FBXW4: variants seen among roughly 807,000 people sequenced by gnomAD.
FBXW4 encodes F-box/WD repeat-containing protein 4.
FBXW4 carries 40 observed loss-of-function variants against 61.8 expected under a neutral mutation model. The observed-to-expected ratio is 0.65, with a 90% CI of 0.50 to 0.84. The LOEUF (loss-of-function observed/expected upper bound fraction) is 0.84, where lower values mean the gene tolerates loss of function less well. FBXW4 is among the 40% of genes least tolerant of loss of function. The pLI, the probability that FBXW4 is intolerant of heterozygous loss-of-function variation, is 0.00. For missense variants in FBXW4, 672 were observed against 753.8 expected (o/e 0.89, Z 1.27); for synonymous variants, 311 against 313.8 (o/e 0.99, Z 0.10).
intron 6 of FBXW4, among the ~76,000 whole-genome samples, chr10:101,619,135 C>A (rs560638637): frequency 2.4e-3 from 365 of 152,246 alleles, no homozygotes; most frequent in Middle Eastern, 6.8e-3. Context: ...TTCCTCAGGG[C>A]CTGATGGGAT....
At chr10:101,679,175 C>T (rs2064447122) in intron 1 of FBXW4, among the ~76,000 whole-genome samples, 1 of 152,058 alleles carries the variant, frequency 6.6e-6, no homozygotes, top group Admixed American at 6.6e-5. Context: ...GTCTCCAACA[C>T]CTGGCCTCAA....
chr10:101,667,738 C>A, intron 5 of FBXW4, 148 bp downstream of exon 5: 1 of 695,638 alleles, frequency 1.4e-6, no homozygotes, highest in Admixed American at 2.3e-5. Context: ...CTAAATAACT[C>A]AAATCTCTGG....
In FBXW4 at chr10:101,694,898, C is replaced by T. The variant is rs1589789846; in HGVS notation, c.208G>A (p.Gly70Arg). ...PGPQTAKEAA[G>R]PGADAGARAC... ...CTCGCTCCCGCGTCAGCCCCCGGCC[C>T]GGCTGCCTCCTTCGCCGTCTGCGGC... The change falls in exon 1 of 9, where the codon GGG becomes AGG. Residue 70 changes from glycine (G) to arginine (R), a missense_variant. Physicochemically the swap from Gly to Arg is moderately radical, Grantham distance 125. Transcript: ENST00000331272. The surrounding 1 kb of genome is among the most constrained non-coding windows in gnomAD (Gnocchi z 6.0). 1 of 1,246,238 alleles carries T rather than the reference C, an allele frequency of 8.0e-7. No individual in the cohort carries two copies. Among genetic ancestry groups the T allele is most frequent in the African/African-American group, 1.5e-5 (1 of 64,518 alleles). The allele number at this position is 1,246,238 out of a possible 1,614,324, so 77.2% of individuals were successfully genotyped here.
intron 5 of FBXW4, among the ~76,000 whole-genome samples, chr10:101,667,038 T>C (rs905791478): frequency 1.3e-5 from 2 of 152,032 alleles, no homozygotes; most frequent in African/African-American, 4.8e-5. Flanking sequence ...GAGACCATCC[T>C]GGCTAACACA....
In FBXW4 at chr10:101,662,396, C is replaced by T. The variant is rs1211108229; in HGVS notation, c.1235+5490G>A. 2.6e-5 allele frequency among the ~76,000 whole-genome samples: 4 copies of T among 152,198 alleles called. No homozygotes were observed. In the East Asian group the frequency reaches 7.7e-4, roughly 29 times the overall value. On this transcript the variant is annotated intron_variant, in intron 5 of 8. Coordinates refer to ENST00000331272, the MANE Select transcript of FBXW4 (RefSeq NM_022039.4). ...AAAACCCCCCAGAGGCTGCAACTCA[C>T]TTTACAAATTTGAATCGGTACATTT...
intron 5 of FBXW4, among the ~76,000 whole-genome samples, chr10:101,648,257 A>G (rs7090062): frequency 0.089 from 13,529 of 152,252 alleles, 702 homozygotes; most frequent in African/African-American, 0.14. Flanking sequence ...TTGGGAGGAA[A>G]AAAGCAAAAA....
intron 1 of FBXW4, among the ~76,000 whole-genome samples, chr10:101,689,655 A>G (rs768180878): frequency 6.6e-6 from 1 of 152,260 alleles, no homozygotes; most frequent in Non-Finnish European, 1.5e-5. Flanking sequence ...TTTAGGCCTT[A>G]AATGTAACCA....
chr10:101,661,596 G>A (rs183234328), intron 5 of FBXW4, among the ~76,000 whole-genome samples: 10 of 152,106 alleles, frequency 6.6e-5, no homozygotes, highest in East Asian at 3.9e-4. Context: ...ATCTTTCTCC[G>A]GGTGTCATGA....
chr10:101,681,395 AAAAAATAAT>A (rs1163490118), intron 1 of FBXW4, among the ~76,000 whole-genome samples: 2 of 133,052 alleles, frequency 1.5e-5, no homozygotes, highest in Admixed American at 1.5e-4. Flanking sequence ...TCTCAAAAAA[AAAAAATAAT>A]AATAATAATA....
At chr10:101,632,741 A>C (rs1406628021) in intron 5 of FBXW4, among the ~76,000 whole-genome samples, 1 of 152,188 alleles carries the variant, frequency 6.6e-6, no homozygotes, top group Non-Finnish European at 1.5e-5. Context: ...CCCCTTAAAC[A>C]ACTGTTCCAT....
At chr10:101,668,356 C>A (rs1000645007) in intron 4 of FBXW4, among the ~76,000 whole-genome samples, 1 of 152,136 alleles carries the variant, frequency 6.6e-6, no homozygotes, top group Non-Finnish European at 1.5e-5. Context: ...TCCCATCTCT[C>A]ACCAAGATTT....
At chr10:101,690,433 A>C (rs2064584709) in intron 1 of FBXW4, among the ~76,000 whole-genome samples, 1 of 152,222 alleles carries the variant, frequency 6.6e-6, no homozygotes, top group Admixed American at 6.5e-5. Context: ...TTTAAATCAG[A>C]TGACTGACTC....
rs1564899384 is a variant in FBXW4 at position 101,611,577 on chromosome 10, CCATAAT to C, written c.1584+45_1584+50del. On this transcript the variant is annotated intron_variant, in intron 8 of 8. Coordinates refer to ENST00000331272, the MANE Select transcript of FBXW4 (RefSeq NM_022039.4). The surrounding 1 kb of genome is among the most constrained non-coding windows in gnomAD (Gnocchi z 4.9). ...TACCTCACCCTCTCCCAAATGCAGC[CCATAAT>C]CATGAGTCCTGGCATGCTGGAGAAG... The C allele has an allele frequency of 1.9e-6, 3 of 1,604,468 alleles. No homozygotes were observed. The South Asian group carries it at 3.3e-5, about 18-fold the overall frequency.
chr10:101,647,493 T>A (rs2064110836), intron 5 of FBXW4, among the ~76,000 whole-genome samples: 1 of 152,164 alleles, frequency 6.6e-6, no homozygotes, highest in African/African-American at 2.4e-5. Flanking sequence ...TTCCACCCAC[T>A]CACACCACAC....
At position 101,611,759 on chromosome 10, in the gene FBXW4, T is replaced by G. The variant is rs768613666; in HGVS notation, c.1453A>C (p.Met485Leu). The G allele has an allele frequency of 2.5e-6, 4 of 1,613,630 alleles. No individual in the cohort carries two copies. Among genetic ancestry groups the G allele is most frequent in the Non-Finnish European group, 3.4e-6 (4 of 1,179,822 alleles). The change falls in exon 8 of 9, where the codon ATG (methionine) becomes CTG (leucine). Residue 485 changes from methionine (M) to leucine (L), a missense_variant. This residue lies in a region of FBXW4 where 312 missense variants were observed against 370.1 expected (regional missense o/e 0.84). Transcript: ENST00000331272. The surrounding 1 kb of genome is among the most constrained non-coding windows in gnomAD (Gnocchi z 4.9). ...DLRTSVRKCV[M>L]EWEEPHDSTL... ...CTGTCGTGGGGCTCCTCCCACTCCA[T>G]GACACATTTCCTGTCCAGGAAGAGG... is the stretch of plus-strand genomic sequence containing the variant.
chr10:101,674,413 G>A (rs7071326), intron 2 of FBXW4, among the ~76,000 whole-genome samples: 105,641 of 151,882 alleles, frequency 0.7, 36,899 homozygotes, highest in East Asian at 0.86. Flanking sequence ...TGAAGTGTAA[G>A]TGGGAAGTTT....
rs537956623 is a variant in FBXW4, at chr10:101,611,388, G to C, written c.1607C>G (p.Pro536Arg). The C allele has an allele frequency of 6.2e-6, 10 of 1,613,988 alleles. No individual in the cohort carries two copies. Among genetic ancestry groups the C allele is most frequent in the Non-Finnish European group, 8.5e-6 (10 of 1,179,948 alleles). ...CLHAFPLTST[P>R]LSSPVYCLRL... ...CAGGCAGTACACAGGGCTGCTGAGG[G>C]GAGTCGACGTCAGCGGGAAGGCCTG... The change falls in exon 9 of 9, where the codon CCC (proline) becomes CGC (arginine). Residue 536 changes from proline to arginine, a missense_variant. Around this residue, in one of 5 missense-constraint regions of FBXW4, gnomAD observed 312 missense variants for 370.1 expected, o/e 0.84. Coordinates refer to ENST00000331272, the MANE Select transcript of FBXW4 (RefSeq NM_022039.4). This position sits in a 1 kb window ranked among gnomAD's most constrained non-coding sequence, Gnocchi z 4.9.
rs1361400329 is a variant in FBXW4, at chr10:101,694,444, A to G, written c.662T>C (p.Leu221Pro). The G allele has an allele frequency of 8.5e-6, 13 of 1,535,860 alleles. No individual in the cohort carries two copies. In the East Asian group the frequency reaches 2.9e-4, roughly 34 times the overall value. ...GGCCCGGGCTATCCGGCGCCAGAGC[A>G]GATCGCAGCTGGTGAAGCGCCGCAG... is the stretch of plus-strand genomic sequence containing the variant. ...RWLRRFTSCDLLWRRIARASL... is the reference protein window; with the variant it reads ...RWLRRFTSCDPLWRRIARASL... The change falls in exon 1 of 9, where the codon CTG (leucine) becomes CCG (proline). Residue 221 changes from leucine to proline, a missense_variant. This residue lies in a region of FBXW4 where 311 missense variants were observed against 301.1 expected (regional missense o/e 1.03). Transcript: ENST00000331272. This position sits in a 1 kb window ranked among gnomAD's most constrained non-coding sequence, Gnocchi z 6.0.
intron 5 of FBXW4, 61 bp downstream of exon 5, chr10:101,667,825 T>C (rs1431297450): frequency 2.9e-6 from 4 of 1,384,232 alleles, no homozygotes; most frequent in Non-Finnish European, 4.1e-6. Flanking sequence ...GCTCACCTGA[T>C]CTAGTAAAAT....
Sources: gnomAD v4.1 joint callset for allele counts (sites outside exome capture counted in the v4.1 genomes callset) on GRCh38, gnomAD v4.1.1 for gene constraint, gnomAD v4.1.1 regional missense constraint, Gnocchi (gnomAD v3.1) non-coding constraint, MANE v1.5 for transcripts, NCBI Gene and HGNC (gene_info 2026-07-23, HGNC 2026-07-21) for gene names.